Variants in OPCML observed in about 807,000 individuals in gnomAD.
The protein encoded by OPCML is opioid-binding protein/cell adhesion molecule.
Under a neutral mutation model 37.8 loss-of-function variants are expected in OPCML, and 13 were observed. The ratio of observed to expected loss-of-function variants is 0.34; its 90% CI spans 0.22 to 0.55. OPCML has a LOEUF of 0.55. Ranked by LOEUF, OPCML falls within the 20% of genes least tolerant of loss-of-function variation. OPCML has a pLI of 0.91. For synonymous variants in OPCML, 176 were observed against 168.8 expected (o/e 1.04, Z -0.33); for missense variants, 341 against 435.6 (o/e 0.78, Z 1.93).
intron 2 of OPCML, among the ~76,000 whole-genome samples, chr11:132,939,992 T>C (rs1945524513): frequency 6.6e-6 from 1 of 152,210 alleles, no homozygotes; most frequent in Admixed American, 6.5e-5. Flanking sequence ...AATAACTCAA[T>C]ATTCAAATAA....
intron 2 of OPCML, among the ~76,000 whole-genome samples, chr11:132,768,068 T>C (rs1019565114): frequency 1.3e-5 from 2 of 152,178 alleles, no homozygotes; most frequent in Admixed American, 6.5e-5. Flanking sequence ...GTGTCAGAAG[T>C]CAAACAAAGG....
intron 1 of OPCML, among the ~76,000 whole-genome samples, chr11:133,027,891 C>A (rs1947594208): frequency 6.8e-5 from 1 of 14,712 alleles, no homozygotes; most frequent in Non-Finnish European, 1.5e-4. Context: ...AATACCCTTT[C>A]CTGTGTGAAG....
chr11:132,724,765 C>T lies in OPCML; in HGVS notation c.147-67446G>A, dbSNP rs765498084. Among the ~76,000 whole-genome samples, 6 of 152,258 alleles carry T rather than the reference C, an allele frequency of 3.9e-5. No individual in the cohort carries two copies. The South Asian group carries it at 6.2e-4, about 16-fold the overall frequency. ...TGGGGGTACAGGCATTGGGTAAATA[C>T]AGCCATTCCAAACGGAAGAAATTGG... On this transcript the variant is annotated intron_variant, in intron 2 of 7. Coordinates refer to ENST00000524381, the MANE Select transcript of OPCML (RefSeq NM_001012393.5).
chr11:132,681,889 A>G (rs1279074975), intron 2 of OPCML, among the ~76,000 whole-genome samples: 1 of 151,648 alleles, frequency 6.6e-6, no homozygotes, highest in Admixed American at 6.6e-5. Flanking sequence ...CGGGAGGTGG[A>G]GCTTGCAGTG....
intron 3 of OPCML, among the ~76,000 whole-genome samples, chr11:132,632,682 G>A (rs1166920805): frequency 6.6e-6 from 1 of 151,978 alleles, no homozygotes; most frequent in Non-Finnish European, 1.5e-5. Context: ...CTTCAGCAAG[G>A]CGAGGTAATC....
In OPCML at chr11:132,792,528, T is replaced by G. The variant is rs117675180; in HGVS notation, c.147-135209A>C. 1.9e-3 allele frequency among the ~76,000 whole-genome samples: 283 copies of G among 152,310 alleles called. 5 individuals are homozygous for G. The East Asian group carries it at 0.05, about 27-fold the overall frequency. Reference sequence around the variant, plus strand: ...ACCCCCATTTCCATGAAAAAGGGTGTGGCCATTCCTATAAGTTTTTCTTTC... The same window carrying G: ...ACCCCCATTTCCATGAAAAAGGGTGGGGCCATTCCTATAAGTTTTTCTTTC... On this transcript the variant is annotated intron_variant, in intron 2 of 7. Coordinates refer to ENST00000524381, the MANE Select transcript of OPCML (RefSeq NM_001012393.5).
intron 1 of OPCML, among the ~76,000 whole-genome samples, chr11:133,109,587 T>C (rs530673951): frequency 5.9e-4 from 90 of 152,172 alleles, no homozygotes; most frequent in Admixed American, 8.5e-4. Flanking sequence ...CACTGATAGG[T>C]GCATTTTACA....
At chr11:132,828,124 G>A (rs778806118) in intron 2 of OPCML, among the ~76,000 whole-genome samples, 2 of 152,152 alleles carry the variant, frequency 1.3e-5, no homozygotes, top group East Asian at 1.9e-4. Context: ...ATGTCGCTAA[G>A]TGGAAAAGGC....
At chr11:133,424,272 A>G (rs1945955531) in intron 1 of OPCML, among the ~76,000 whole-genome samples, 1 of 145,792 alleles carries the variant, frequency 6.9e-6, no homozygotes, top group African/African-American at 2.5e-5. Context: ...ACAAACACAA[A>G]CAAGCTCCTT....
chr11:133,129,318 G>A (rs1045227583), intron 1 of OPCML, among the ~76,000 whole-genome samples: 6 of 152,138 alleles, frequency 3.9e-5, no homozygotes, highest in Admixed American at 3.3e-4. Context: ...AGTAGTAGCA[G>A]CACACAGGGC....
At chr11:132,739,640 T>C (rs1463171076) in intron 2 of OPCML, among the ~76,000 whole-genome samples, 1 of 152,146 alleles carries the variant, frequency 6.6e-6, no homozygotes, top group African/African-American at 2.4e-5. Context: ...TGTATTTGTG[T>C]ATGTTGGGGT....
chr11:133,457,526 G>A (rs1787424185), intron 1 of OPCML, among the ~76,000 whole-genome samples: 1 of 151,970 alleles, frequency 6.6e-6, no homozygotes, highest in African/African-American at 2.4e-5. Flanking sequence ...GCAACAGAAT[G>A]AGACCATATA....
chr11:132,639,220 C>T (rs1315359903), intron 3 of OPCML, among the ~76,000 whole-genome samples: 1 of 152,216 alleles, frequency 6.6e-6, no homozygotes, highest in Non-Finnish European at 1.5e-5. Flanking sequence ...AAGCTCCTTT[C>T]AGCAGAGAGA....
chr11:133,500,778 C>A (rs992921005), intron 1 of OPCML, among the ~76,000 whole-genome samples: 2 of 152,168 alleles, frequency 1.3e-5, no homozygotes, highest in Non-Finnish European at 2.9e-5. Flanking sequence ...CGGATAGCAC[C>A]AATTACTGAG....
chr11:133,118,973 G>A (rs942214430), intron 1 of OPCML, among the ~76,000 whole-genome samples: 2 of 152,208 alleles, frequency 1.3e-5, no homozygotes, highest in African/African-American at 4.8e-5. Context: ...AGTCCCGAAG[G>A]CCAAAGGAGG....
chr11:133,374,278 C>A (rs1380093572), intron 1 of OPCML, among the ~76,000 whole-genome samples: 2 of 152,082 alleles, frequency 1.3e-5, no homozygotes, highest in Non-Finnish European at 2.9e-5. Context: ...CTAGAAAATG[C>A]ACTCTAGTGT....
chr11:132,617,996 C>T (rs918209162), intron 3 of OPCML, among the ~76,000 whole-genome samples: 21 of 152,272 alleles, frequency 1.4e-4, no homozygotes, highest in African/African-American at 4.6e-4. Flanking sequence ...TTCTTACAGC[C>T]GCAGTGTTAC....
At chr11:133,439,593 G>T (rs1013174428) in intron 1 of OPCML, among the ~76,000 whole-genome samples, 1 of 151,602 alleles carries the variant, frequency 6.6e-6, no homozygotes. Flanking sequence ...TCAGCCTCCC[G>T]AGTGGCTGGG....
chr11:132,443,922 G>T (rs550502100), intron 4 of OPCML, among the ~76,000 whole-genome samples: 2 of 152,206 alleles, frequency 1.3e-5, no homozygotes, highest in African/African-American at 4.8e-5. Context: ...CAAAACATCC[G>T]CTGGGCTACA....
Sources: allele counts gnomAD v4.1 joint callset (sites outside exome capture counted in the v4.1 genomes callset), GRCh38; gene constraint gnomAD v4.1.1; transcripts MANE v1.5; gene names NCBI Gene and HGNC (gene_info 2026-07-23, HGNC 2026-07-21).